POLR2F: variants seen among roughly 807,000 people sequenced by gnomAD.
POLR2F encodes RNA polymerase II, I and III subunit F.
Under a neutral mutation model 22.7 loss-of-function variants are expected in POLR2F, and 12 were observed. That is an observed-to-expected ratio of 0.53 (90% CI 0.34 to 0.86). POLR2F has a LOEUF of 0.86. Ranked by LOEUF, POLR2F falls within the 40% of genes least tolerant of loss-of-function variation. The probability of loss-of-function intolerance (pLI) is 0.02; values close to 1 mark genes in which losing one functional copy is unlikely to be tolerated. For missense variants in POLR2F, 126 were observed against 171.5 expected, an observed-to-expected ratio of 0.73 and a Z score of 1.48; for synonymous variants, 57 against 66.0, an observed-to-expected ratio of 0.86 and a Z score of 0.66.
chr22:37,976,388 G>A (rs140391132), intron 4 of POLR2F, among the ~76,000 whole-genome samples: 58 of 152,248 alleles, frequency 3.8e-4, no homozygotes, highest in South Asian at 8.3e-4. Context: ...TAATTCACTC[G>A]TTTTCATCCC....
Position 37,986,277 on chromosome 22 carries a change from G to A in POLR2F, c.87G>A (p.Pro29=), listed in dbSNP as rs956804206. 1.4e-5 allele frequency: 22 copies of A among 1,538,484 alleles called. No individual in the cohort carries two copies. Among genetic ancestry groups the A allele is most frequent in the Middle Eastern group, 1.7e-4 (1 of 5,956 alleles). ...TCGCCTCCAACACCCGCTGCTGCCC[G>A]CCCGCTGCCTGCCTGCCTGGCATCT... The change falls in exon 1 of 3, where the codon CCG becomes CCA. Residue 29 remains proline (P), a synonymous_variant. Coordinates refer to the POLR2F transcript ENST00000333418. The surrounding 1 kb of genome is among the most constrained non-coding windows in gnomAD (Gnocchi z 4.7).
chr22:37,968,008 T>A lies in POLR2F; in HGVS notation c.*293T>A. On this transcript the variant is annotated 3_prime_UTR_variant, in exon 5 of 5. Coordinates refer to ENST00000442738, the MANE Select transcript of POLR2F (RefSeq NM_021974.5). ...CAAAGGCTGCTGCAGGGGAGACACC[T>A]CAGCTGCCTTCCAAGCAGACAGACA... is the stretch of plus-strand genomic sequence containing the variant. The A allele has an allele frequency of 8.5e-6, 9 of 1,059,080 alleles. No homozygotes were observed. The highest frequency in any genetic ancestry group is 1.0e-5 in the Non-Finnish European group (9 of 876,066). 65.6% of individuals were successfully genotyped at this position (1,059,080 alleles called of 1,614,324 possible). A position where few individuals can be genotyped will look rare whatever the true frequency, so the allele number is the denominator to read the frequency against.
intron 1 of POLR2F, among the ~76,000 whole-genome samples, chr22:37,992,023 G>C (rs775121963): frequency 1.3e-5 from 2 of 152,122 alleles, no homozygotes; most frequent in Non-Finnish European, 2.9e-5. Flanking sequence ...AGACAGTCCA[G>C]GTTTAAAAAA....
chr22:37,973,482 G>T, downstream of POLR2F: 1 of 1,539,002 alleles, frequency 6.5e-7, no homozygotes. Flanking sequence ...GGGTGGTGGC[G>T]ACAGGGCCCC....
chr22:37,966,609 C>A (rs890819329), intron 3 of POLR2F, among the ~76,000 whole-genome samples: 1 of 151,920 alleles, frequency 6.6e-6, no homozygotes, highest in African/African-American at 2.4e-5. Flanking sequence ...GTTAATTTCA[C>A]CCATCTATAC....
At chr22:37,971,740 G>GGCA (rs778392546), downstream of POLR2F, among the ~76,000 whole-genome samples, 3 of 152,096 alleles carry the variant, frequency 2.0e-5, no homozygotes, top group Admixed American at 6.6e-5. Context: ...TCTGACTGCA[G>GGCA]GCAGCACGGT....
At chr22:37,995,652 T>A (rs2084705708) in intron 1 of POLR2F, among the ~76,000 whole-genome samples, 1 of 152,078 alleles carries the variant, frequency 6.6e-6, no homozygotes, top group African/African-American at 2.4e-5. Flanking sequence ...AATGAATGAA[T>A]GAGTGGTGAG....
chr22:37,974,077 G>A (rs1047670299), downstream of POLR2F: 58 of 1,613,870 alleles, frequency 3.6e-5, no homozygotes, highest in Non-Finnish European at 4.5e-5. The surrounding 1 kb of genome is among the most constrained non-coding windows in gnomAD (Gnocchi z 5.4). Context: ...CCACGTTGCC[G>A]AAGTCGATGT....
chr22:37,977,510 T>C (rs1319048431), intron 4 of POLR2F, among the ~76,000 whole-genome samples: 3 of 152,062 alleles, frequency 2.0e-5, no homozygotes, highest in East Asian at 2.0e-4. Context: ...TTAGTAGAGA[T>C]GGGATTTCAC....
At chr22:37,958,322 G>A (rs1373314254) in intron 2 of POLR2F, 1 of 151,136 alleles carries the variant, frequency 6.6e-6, no homozygotes, top group Admixed American at 6.6e-5. Context: ...CTGAGTAGCT[G>A]TGACTACAGG....
chr22:37,991,571 C>T (rs1388377929), intron 1 of POLR2F, among the ~76,000 whole-genome samples: 1 of 152,136 alleles, frequency 6.6e-6, no homozygotes, highest in Non-Finnish European at 1.5e-5. Flanking sequence ...ATTTTTACCA[C>T]CTATTAACAT....
intron 1 of POLR2F, among the ~76,000 whole-genome samples, chr22:38,003,150 G>A (rs964339454): frequency 1.4e-4 from 21 of 152,140 alleles, no homozygotes; most frequent in Admixed American, 6.6e-5. Flanking sequence ...AGGATGTGGA[G>A]AACAGGGGAG....
chr22:38,024,780 G>A (rs1433889039), intron 1 of POLR2F, among the ~76,000 whole-genome samples: 4 of 152,146 alleles, frequency 2.6e-5, no homozygotes, highest in Non-Finnish European at 4.4e-5. Flanking sequence ...GGCAGTGGGA[G>A]AGGACTGGGC....
At position 37,967,801 on chromosome 22, in the gene POLR2F, A is replaced by C. The variant is rs1443018564; in HGVS notation, c.*86A>C. ...AAATAATAAAATATTCAACTTTCCA[A>C]CCCCCTTCCCCTCTGCTTATCTGCA... On this transcript the variant is annotated 3_prime_UTR_variant, in exon 5 of 5. Coordinates refer to ENST00000442738, the MANE Select transcript of POLR2F (RefSeq NM_021974.5). 9 of 1,490,418 alleles carry C rather than the reference A, an allele frequency of 6.0e-6. No homozygotes were observed. Among genetic ancestry groups the C allele is most frequent in the East Asian group, 2.4e-5 (1 of 41,012 alleles). The allele number at this position is 1,490,418 out of a possible 1,614,324, so 92.3% of individuals were successfully genotyped here.
chr22:37,977,897 T>A, intron 4 of POLR2F: 1 of 1,612,582 alleles, frequency 6.2e-7, no homozygotes. Flanking sequence ...CCATCTGACA[T>A]GGGGGAGCCC....
At chr22:38,033,427 G>A (rs955998473) in intron 5 of POLR2F, among the ~76,000 whole-genome samples, 2 of 152,234 alleles carry the variant, frequency 1.3e-5, no homozygotes, top group Non-Finnish European at 2.9e-5. Flanking sequence ...AGAGGTTGCA[G>A]CGGGGTTCAA....
At position 37,959,448 on chromosome 22, in the gene POLR2F, G is replaced by C. The variant is rs760223334; in HGVS notation, c.193G>C (p.Val65Leu). 1 of 1,613,990 alleles carries C rather than the reference G, an allele frequency of 6.2e-7. No homozygotes were observed. Among genetic ancestry groups the C allele is most frequent in the South Asian group, 1.1e-5 (1 of 91,048 alleles). Residue 65 changes from valine (V) to leucine (L), a missense_variant, in exon 3 of 5, where the codon GTG (valine) becomes CTG (leucine). Transcript: ENST00000442738. Reference sequence around the variant, plus strand: ...CATGACCAAGTACGAGCGAGCCCGCGTGCTGGGCACCCGAGCGCTCCAGAT... The same window carrying C: ...CATGACCAAGTACGAGCGAGCCCGCCTGCTGGGCACCCGAGCGCTCCAGAT... Reference protein sequence around the residue: ...PYMTKYERARVLGTRALQIAM... With the variant: ...PYMTKYERARLLGTRALQIAM...
Position 37,986,238 on chromosome 22 carries a change from C to T in POLR2F, c.48C>T (p.Pro16=), listed in dbSNP as rs753404495. Residue 16 remains proline (P), a synonymous_variant, in exon 1 of 3, where the codon CCC becomes CCT. Transcript: ENST00000333418. The surrounding 1 kb of genome is among the most constrained non-coding windows in gnomAD (Gnocchi z 4.7). Reference sequence around the variant, plus strand: ...GGGACGAGCATCTGCCGTCGTGTCCCGGCTGCCCTGCAGTCGCCTCCAACA... The same window carrying T: ...GGGACGAGCATCTGCCGTCGTGTCCTGGCTGCCCTGCAGTCGCCTCCAACA... The T allele has an allele frequency of 3.1e-5, 48 of 1,540,858 alleles. No individual in the cohort carries two copies. In the Admixed American group the frequency reaches 7.1e-4, roughly 23 times the overall value.
chr22:38,007,056 G>A (rs2084827863), intron 1 of POLR2F, among the ~76,000 whole-genome samples: 1 of 152,222 alleles, frequency 6.6e-6, no homozygotes, highest in African/African-American at 2.4e-5. Context: ...GAGCTGAGAG[G>A]CCTGGAGGGA....
Sources: allele counts gnomAD v4.1 joint callset (sites outside exome capture counted in the v4.1 genomes callset), GRCh38; gene constraint gnomAD v4.1.1; non-coding constraint Gnocchi (gnomAD v3.1); transcripts MANE v1.5; gene names NCBI Gene and HGNC (gene_info 2026-07-23, HGNC 2026-07-21).